RFX7: variants seen among roughly 807,000 people sequenced by gnomAD.
RFX7 encodes the protein regulatory factor X7.
In RFX7, 26 loss-of-function variants were observed where a neutral mutation model predicts 111.8. The ratio of observed to expected loss-of-function variants is 0.23; its 90% CI spans 0.17 to 0.32. RFX7 has a LOEUF of 0.32. Among genes scored for constraint, RFX7 ranks in the 10% least tolerant of loss-of-function variants. The probability of loss-of-function intolerance (pLI) is 1.00; values close to 1 mark genes in which losing one functional copy is unlikely to be tolerated. For synonymous variants in RFX7, 624 were observed against 624.4 expected (o/e 1.00, Z 0.01); for missense variants, 1,573 against 1,772.9 (o/e 0.89, Z 2.02).
At chr15:56,137,353 T>C (rs1595955693) in intron 5 of RFX7, among the ~76,000 whole-genome samples, 2 of 152,212 alleles carry the variant, frequency 1.3e-5, no homozygotes, top group East Asian at 1.9e-4. Flanking sequence ...GGAGAGTGTA[T>C]GTGTCAAGGA....
chr15:56,150,188 G>A (rs1218820312), intron 3 of RFX7, among the ~76,000 whole-genome samples: 1 of 152,142 alleles, frequency 6.6e-6, no homozygotes, highest in South Asian at 2.1e-4. Flanking sequence ...CCCCTCTCTG[G>A]ACAGGGCATC....
At position 56,094,264 on chromosome 15, in the gene RFX7, T is replaced by G; in HGVS notation, c.3464A>C (p.Asn1155Thr). 6.2e-7 allele frequency: 1 copy of G among 1,613,976 alleles called. No individual in the cohort carries two copies. Among genetic ancestry groups the G allele is most frequent in the East Asian group, 2.2e-5 (1 of 44,874 alleles). The change falls in exon 10 of 10, where the codon AAT becomes ACT. Residue 1155 changes from asparagine to threonine, a missense_variant. Physicochemically the swap from Asn to Thr is moderately conservative, Grantham distance 65. Coordinates refer to ENST00000559447, the MANE Select transcript of RFX7 (RefSeq NM_022841.7). ...TCTGAAGTTGCTGCTGGCAGATGAATTAGTTCCTTTATTATCAAGAGGGGC... is the reference window on the plus strand; with the variant it reads ...TCTGAAGTTGCTGCTGGCAGATGAAGTAGTTCCTTTATTATCAAGAGGGGC... ...VPAPLDNKGTNSSASSNFRCR... is the reference protein window; with the variant it reads ...VPAPLDNKGTTSSASSNFRCR...
chr15:56,155,610 G>A lies in RFX7; in HGVS notation c.196-11127C>T, dbSNP rs200906461. Among the ~76,000 whole-genome samples, 22 of 152,218 alleles carry A rather than the reference G, an allele frequency of 1.4e-4. 1 individual carries two copies. The South Asian group carries it at 1.9e-3, about 13-fold the overall frequency. ...AGGGGAACATCACACACTGGGGCCC[G>A]TCGGCGGGTGTGGGGCTAGGGGAGG... On this transcript the variant is annotated intron_variant, in intron 3 of 9. Transcript: ENST00000559447.
rs2041582918 is a variant in RFX7 at position 56,090,469 on chromosome 15, T to C, written c.*2876A>G. ...AATGACATCAAAGGAAGAATAACAT[T>C]GGGTCTGTTTACAAAATGTGTTGCC... On this transcript the variant is annotated 3_prime_UTR_variant, in exon 10 of 10. Coordinates refer to ENST00000559447, the MANE Select transcript of RFX7 (RefSeq NM_022841.7). 6.6e-6 allele frequency: 1 copy of C among 152,594 alleles called. No individual in the cohort carries two copies. Among genetic ancestry groups the C allele is most frequent in the Admixed American group, 6.5e-5 (1 of 15,282 alleles). The allele number at this position is 152,594 out of a possible 1,614,324, so 9.5% of individuals were successfully genotyped here.
At chr15:56,160,139 AG>A (rs1333205364) in intron 3 of RFX7, among the ~76,000 whole-genome samples, 3 of 152,168 alleles carry the variant, frequency 2.0e-5, no homozygotes, top group African/African-American at 7.2e-5. Flanking sequence ...TACTTCACTG[AG>A]GAGCTTTCTT....
intron 2 of RFX7, among the ~76,000 whole-genome samples, chr15:56,233,515 A>G (rs528338352): frequency 2.4e-4 from 37 of 152,340 alleles, no homozygotes; most frequent in Non-Finnish European, 4.7e-4. Context: ...AATTTAAGCT[A>G]CACTGCAAAC....
In RFX7 at chr15:56,090,796, CA is replaced by C. The variant is rs1259651386; in HGVS notation, c.*2548del. On this transcript the variant is annotated 3_prime_UTR_variant, in exon 10 of 10. Transcript: ENST00000559447. Reference sequence around the variant, plus strand: ...TTATATGAACCTCAGAAGCACTGCACAAAAAAACACTTTCCTTCTTTTCAGT... The same window carrying C: ...TTATATGAACCTCAGAAGCACTGCACAAAAAACACTTTCCTTCTTTTCAGT... 1 of 152,282 alleles carries C rather than the reference CA, an allele frequency of 6.6e-6. No individual in the cohort carries two copies. The highest frequency in any genetic ancestry group is 1.5e-5 in the Non-Finnish European group (1 of 67,948). The allele number at this position is 152,282 out of a possible 1,614,324, so 9.4% of individuals were successfully genotyped here.
chr15:56,229,220 T>C lies in RFX7; in HGVS notation c.161+13905A>G, dbSNP rs151296499. Reference sequence around the variant, plus strand: ...AACTGCAGATAATGGGGGACTACCATACTATAACTTTGCAACATGAGACTT... The same window carrying C: ...AACTGCAGATAATGGGGGACTACCACACTATAACTTTGCAACATGAGACTT... On this transcript the variant is annotated intron_variant, in intron 2 of 9. Coordinates refer to ENST00000559447, the MANE Select transcript of RFX7 (RefSeq NM_022841.7). 2.6e-5 allele frequency among the ~76,000 whole-genome samples: 4 copies of C among 152,326 alleles called. No homozygotes were observed. The East Asian group carries it at 7.7e-4, about 29-fold the overall frequency.
intron 2 of RFX7, among the ~76,000 whole-genome samples, chr15:56,197,126 G>C (rs944797006): frequency 6.6e-6 from 1 of 152,034 alleles, no homozygotes; most frequent in Non-Finnish European, 1.5e-5. Context: ...TTTTTAATCA[G>C]TGATGTTGAA....
rs77656538 is a variant in RFX7, at chr15:56,125,936, G to A, written c.401+16842C>T. 1.9e-3 allele frequency among the ~76,000 whole-genome samples: 294 copies of A among 152,204 alleles called. 9 individuals carry two copies. In the East Asian group the frequency reaches 0.039, roughly 20 times the overall value. On this transcript the variant is annotated intron_variant, in intron 5 of 9. Transcript: ENST00000559447. The stretch of plus-strand genomic sequence containing the variant: ...GTTTGGGGCTTTATTCTGTAGCAGA[G>A]GGAAGCATTAAATATAATTTGGAAG...
chr15:56,136,785 CG>C (rs1475930514), intron 5 of RFX7, among the ~76,000 whole-genome samples: 2 of 141,338 alleles, frequency 1.4e-5, no homozygotes, highest in Admixed American at 7.1e-5. Context: ...TTTTGAGATA[CG>C]TCCCATCAAT....
At chr15:56,120,521 A>C (rs902290034) in intron 5 of RFX7, among the ~76,000 whole-genome samples, 2 of 152,168 alleles carry the variant, frequency 1.3e-5, no homozygotes, top group African/African-American at 4.8e-5. Context: ...CACTTCTAGT[A>C]CTATTTGAAT....
At chr15:56,106,513 A>ATGTT (rs1322947054) in intron 5 of RFX7, among the ~76,000 whole-genome samples, 1 of 152,202 alleles carries the variant, frequency 6.6e-6, no homozygotes, top group African/African-American at 2.4e-5. Context: ...ATTTTGTGAA[A>ATGTT]TGTTAGAATT....
chr15:56,150,727 GA>G (rs2042557833), intron 3 of RFX7, among the ~76,000 whole-genome samples: 1 of 152,184 alleles, frequency 6.6e-6, no homozygotes, highest in South Asian at 2.1e-4. Context: ...TTGAAGAACT[GA>G]CAAAAGTAGG....
chr15:56,147,967 TAAAA>T (rs750269842), intron 3 of RFX7, among the ~76,000 whole-genome samples: 7,385 of 152,322 alleles, frequency 0.048, 269 homozygotes, highest in Middle Eastern at 0.085. Context: ...TTTGTAGACT[TAAAA>T]GTCTTCACTT....
Position 56,090,028 on chromosome 15 carries a change from T to G in RFX7, c.*3317A>C, listed in dbSNP as rs2041576807. On this transcript the variant is annotated 3_prime_UTR_variant, in exon 10 of 10. Transcript: ENST00000559447. Reference sequence around the variant, plus strand: ...CCATTCAAGACCCTGGTTTCATTACTTTGCAGGAGCTGACATTTCTGGCTA... The same window carrying G: ...CCATTCAAGACCCTGGTTTCATTACGTTGCAGGAGCTGACATTTCTGGCTA... 6.6e-6 allele frequency: 1 copy of G among 152,208 alleles called. No homozygotes were observed. Among genetic ancestry groups the G allele is most frequent in the African/African-American group, 2.4e-5 (1 of 41,456 alleles). The allele number at this position is 152,208 out of a possible 1,614,324, so 9.4% of individuals were successfully genotyped here.
intron 8 of RFX7, among the ~76,000 whole-genome samples, chr15:56,098,709 T>G (rs2041715031): frequency 6.6e-6 from 1 of 152,220 alleles, no homozygotes; most frequent in African/African-American, 2.4e-5. Flanking sequence ...CAACACAGCA[T>G]TTTTACATTT....
Position 56,098,151 on chromosome 15 carries a change from T to A in RFX7, c.1037A>T (p.Asn346Ile), listed in dbSNP as rs2041706414. 1 of 1,613,776 alleles carries A rather than the reference T, an allele frequency of 6.2e-7. No homozygotes were observed. The highest frequency in any genetic ancestry group is 1.3e-5 in the African/African-American group (1 of 74,932). ...AGGAGAAAGGATTGAAGGATTTCCA[T>A]TAGGAAGATTAGTCACTCCATTGCT... ...ATSNGVTNLP[N>I]GNPSILSPQP... Residue 346 changes from asparagine to isoleucine, a missense_variant, in exon 9 of 10, where the codon AAT (asparagine) becomes ATT (isoleucine). Asn to Ile is a moderately radical substitution (Grantham distance 149). Transcript: ENST00000559447.
At chr15:56,115,945 A>G (rs1023728725) in intron 5 of RFX7, among the ~76,000 whole-genome samples, 6 of 151,020 alleles carry the variant, frequency 4.0e-5, no homozygotes, top group Non-Finnish European at 7.4e-5. Context: ...TCCGTCTCAA[A>G]AAAAAAAAAA....
Sources: allele counts gnomAD v4.1 joint callset (sites outside exome capture counted in the v4.1 genomes callset), GRCh38; gene constraint gnomAD v4.1.1; transcripts MANE v1.5; gene names NCBI Gene and HGNC (gene_info 2026-07-23, HGNC 2026-07-21).